Variants in ATG10 observed in about 807,000 individuals in gnomAD.
ATG10 encodes ubiquitin-like-conjugating enzyme ATG10.
Under a neutral mutation model 32.1 loss-of-function variants are expected in ATG10, and 30 were observed. The ratio of observed to expected loss-of-function variants is 0.94; its 90% confidence interval spans 0.70 to 1.27. The LOEUF (loss-of-function observed/expected upper bound fraction) is 1.27, where lower values mean the gene tolerates loss of function less well. ATG10 is among the 50% of genes most tolerant of loss of function. The pLI is 0.00. For synonymous variants in ATG10, 87 were observed against 91.5 expected (o/e 0.95, Z 0.28); for missense variants, 233 against 262.3 (o/e 0.89, Z 0.77).
chr5:82,205,749 A>G (rs1745263034), intron 5 of ATG10, among the ~76,000 whole-genome samples: 1 of 152,224 alleles, frequency 6.6e-6, no homozygotes, highest in African/African-American at 2.4e-5. Context: ...ATTAGGACAA[A>G]CAGAAGGCAT....
chr5:82,082,214 C>T (rs951900283), intron 3 of ATG10, among the ~76,000 whole-genome samples: 3 of 152,114 alleles, frequency 2.0e-5, no homozygotes, highest in African/African-American at 7.2e-5. Context: ...GACTTTAGCT[C>T]CTGCCCTCTA....
intron 3 of ATG10, among the ~76,000 whole-genome samples, chr5:82,136,693 G>A (rs1424539480): frequency 6.6e-6 from 1 of 152,026 alleles, no homozygotes; most frequent in Non-Finnish European, 1.5e-5. Context: ...TATATGTTGG[G>A]GTTGTTCTTC....
At chr5:82,157,523 C>G (rs1767852425) in intron 3 of ATG10, among the ~76,000 whole-genome samples, 1 of 152,100 alleles carries the variant, frequency 6.6e-6, no homozygotes, top group Admixed American at 6.6e-5. Flanking sequence ...GTGAAAAGAC[C>G]ACTCCACTGT....
chr5:82,042,827 G>T (rs569847459), intron 2 of ATG10, among the ~76,000 whole-genome samples: 1 of 152,178 alleles, frequency 6.6e-6, no homozygotes, highest in Admixed American at 6.5e-5. Context: ...GCTCCCATGG[G>T]TTTGGGCAGC....
At chr5:81,995,323 G>A (rs1054126192) in intron 2 of ATG10, among the ~76,000 whole-genome samples, 2 of 151,900 alleles carry the variant, frequency 1.3e-5, no homozygotes, top group African/African-American at 4.8e-5. Flanking sequence ...TATTTTTTTT[G>A]GTAGAGAGGG....
intron 3 of ATG10, among the ~76,000 whole-genome samples, chr5:82,105,162 T>C (rs1765406846): frequency 6.6e-6 from 1 of 152,126 alleles, no homozygotes; most frequent in South Asian, 2.1e-4. Flanking sequence ...GGTAAATTGA[T>C]TACTGTAAGG....
At chr5:82,008,972 T>C (rs1762055970) in intron 2 of ATG10, among the ~76,000 whole-genome samples, 1 of 152,260 alleles carries the variant, frequency 6.6e-6, no homozygotes, top group Non-Finnish European at 1.5e-5. Context: ...AGCTCATTTT[T>C]GTTTTGTAGG....
At chr5:82,050,059 A>C (rs942540860) in intron 2 of ATG10, among the ~76,000 whole-genome samples, 1 of 152,150 alleles carries the variant, frequency 6.6e-6, no homozygotes, top group African/African-American at 2.4e-5. Context: ...TTCTATGCAC[A>C]TATAAATATA....
chr5:82,075,994 T>G (rs916029405), intron 3 of ATG10, among the ~76,000 whole-genome samples: 1 of 152,176 alleles, frequency 6.6e-6, no homozygotes, highest in African/African-American at 2.4e-5. Context: ...CTTTATAGAT[T>G]GTCTATTCAT....
intron 5 of ATG10, among the ~76,000 whole-genome samples, chr5:82,180,450 G>A (rs1295086304): frequency 6.6e-6 from 1 of 152,114 alleles, no homozygotes; most frequent in African/African-American, 2.4e-5. Context: ...CTGTGAAGAA[G>A]GATAATGTGA....
intron 5 of ATG10, among the ~76,000 whole-genome samples, chr5:82,216,024 A>T (rs1160925252): frequency 1.3e-5 from 2 of 152,200 alleles, no homozygotes. Context: ...AGTGTATTGC[A>T]GCAGGCTTAA....
chr5:82,099,695 T>A (rs1387768529), intron 3 of ATG10, among the ~76,000 whole-genome samples: 1 of 152,192 alleles, frequency 6.6e-6, no homozygotes, highest in Admixed American at 6.5e-5. Flanking sequence ...AGTATTACAC[T>A]TAATGAATTA....
chr5:81,974,397 AATGT>A (rs1334220121), intron 1 of ATG10, among the ~76,000 whole-genome samples: 1 of 152,338 alleles, frequency 6.6e-6, no homozygotes, highest in East Asian at 1.9e-4. Flanking sequence ...AGACTTCTCT[AATGT>A]GCTTACCTGA....
chr5:82,044,646 T>C (rs370444805), intron 2 of ATG10, among the ~76,000 whole-genome samples: 1 of 152,314 alleles, frequency 6.6e-6, no homozygotes, highest in East Asian at 1.9e-4. Flanking sequence ...CGGCAAGTCC[T>C]GAACAGCGTT....
chr5:82,021,487 T>C (rs1762432329), intron 2 of ATG10, among the ~76,000 whole-genome samples: 1 of 152,216 alleles, frequency 6.6e-6, no homozygotes, highest in Admixed American at 6.5e-5. Context: ...TTACAATACC[T>C]GATACAGTGT....
intron 2 of ATG10, among the ~76,000 whole-genome samples, chr5:82,048,093 C>T (rs1213020575): frequency 1.2e-4 from 17 of 138,358 alleles, no homozygotes; most frequent in Non-Finnish European, 1.9e-4. Context: ...GTTTTGGTAC[C>T]AGTACCATGC....
intron 2 of ATG10, among the ~76,000 whole-genome samples, chr5:82,029,932 A>G (rs560764248): frequency 6.6e-6 from 1 of 152,280 alleles, no homozygotes; most frequent in East Asian, 1.9e-4. Flanking sequence ...AATAGTACCA[A>G]TTTATAGATG....
At chr5:82,035,236 AAAACCACTTG>A (rs1477426913) in intron 2 of ATG10, among the ~76,000 whole-genome samples, 1 of 152,186 alleles carries the variant, frequency 6.6e-6, no homozygotes, top group Non-Finnish European at 1.5e-5. Flanking sequence ...TATTGCACTT[AAAACCACTTG>A]TTCTACATAT....
At chr5:81,983,543 C>A (rs1269436251) in intron 1 of ATG10, among the ~76,000 whole-genome samples, 4 of 130,824 alleles carry the variant, frequency 3.1e-5, no homozygotes, top group Non-Finnish European at 3.3e-5. Context: ...CGGATGGGGC[C>A]GCTGGCCGGG....
Sources: allele counts gnomAD v4.1 joint callset (sites outside exome capture counted in the v4.1 genomes callset), GRCh38; gene constraint gnomAD v4.1.1; transcripts MANE v1.5; gene names NCBI Gene and HGNC (gene_info 2026-07-23, HGNC 2026-07-21).